Variants in MTHFD2L observed in about 807,000 individuals in gnomAD.
MTHFD2L encodes methylenetetrahydrofolate dehydrogenase (NADP+ dependent) 2 like.
In MTHFD2L, 29 loss-of-function variants were observed where a neutral mutation model predicts 34.9. The observed-to-expected ratio is 0.83, with a 90% confidence interval of 0.62 to 1.13. The LOEUF (loss-of-function observed/expected upper bound fraction) is 1.13. Among genes scored for constraint, MTHFD2L ranks in the 50% most tolerant of loss-of-function variants. The pLI, the probability that MTHFD2L is intolerant of heterozygous loss-of-function variation, is 0.00. For synonymous variants in MTHFD2L, 167 were observed against 155.7 expected, an observed-to-expected ratio of 1.07 and a Z score of -0.54; for missense variants, 481 against 446.5, an observed-to-expected ratio of 1.08 and a Z score of -0.70.
chr4:74,159,938 A>G (rs974341268), intron 1 of MTHFD2L: 26 of 439,172 alleles, frequency 5.9e-5, no homozygotes, highest in Non-Finnish European at 7.9e-5. Context: ...ACTGAATACC[A>G]TCTCTGAAGG....
intron 6 of MTHFD2L, chr4:74,267,136 C>A: frequency 1.0e-6 from 1 of 985,108 alleles, no homozygotes; most frequent in Non-Finnish European, 1.2e-6. Context: ...ATGTTTGAAA[C>A]CCATTCCATT....
At chr4:74,214,911 G>T (rs1364579945) in intron 5 of MTHFD2L, among the ~76,000 whole-genome samples, 1 of 151,780 alleles carries the variant, frequency 6.6e-6, no homozygotes, top group South Asian at 2.1e-4. Flanking sequence ...TGCCCAGTGA[G>T]GAGGAATCTA....
At chr4:74,152,818 T>C (rs1007772595) in intron 1 of MTHFD2L, among the ~76,000 whole-genome samples, 2 of 152,172 alleles carry the variant, frequency 1.3e-5, no homozygotes, top group African/African-American at 4.8e-5. Flanking sequence ...TAAGAGCAGC[T>C]AGTGACAAGC....
intron 5 of MTHFD2L, among the ~76,000 whole-genome samples, chr4:74,208,111 A>G (rs1348749627): frequency 6.6e-6 from 1 of 152,146 alleles, no homozygotes; most frequent in Non-Finnish European, 1.5e-5. Flanking sequence ...CTCTCATCCC[A>G]CTACCCCCAG....
intron 1 of MTHFD2L, among the ~76,000 whole-genome samples, chr4:74,144,358 C>T (rs1443271233): frequency 6.6e-6 from 1 of 152,104 alleles, no homozygotes; most frequent in South Asian, 2.1e-4. Flanking sequence ...GAGGCTGAGA[C>T]AGGAGAATTG....
intron 6 of MTHFD2L, among the ~76,000 whole-genome samples, chr4:74,255,278 G>A (rs1743884052): frequency 6.6e-6 from 1 of 151,796 alleles, no homozygotes; most frequent in African/African-American, 2.4e-5. Context: ...AAGTTAAGCT[G>A]TTATCAGCTT....
At chr4:74,257,297 T>G (rs1303820843) in intron 6 of MTHFD2L, among the ~76,000 whole-genome samples, 1 of 152,158 alleles carries the variant, frequency 6.6e-6, no homozygotes, top group Non-Finnish European at 1.5e-5. Flanking sequence ...AAAATTACTT[T>G]AAATATAAAT....
At chr4:74,128,684 C>T (rs1303034183) in intron 1 of MTHFD2L, among the ~76,000 whole-genome samples, 2 of 151,928 alleles carry the variant, frequency 1.3e-5, no homozygotes, top group Non-Finnish European at 2.9e-5. Flanking sequence ...CTCAGGATTG[C>T]TTTGGCTATT....
chr4:74,225,638 C>T (rs1739027287), intron 6 of MTHFD2L, among the ~76,000 whole-genome samples: 1 of 152,170 alleles, frequency 6.6e-6, no homozygotes, highest in Non-Finnish European at 1.5e-5. Flanking sequence ...GAACAATGTG[C>T]ACTTTGCTAA....
chr4:74,236,691 G>A (rs1740888822), intron 6 of MTHFD2L, among the ~76,000 whole-genome samples: 1 of 152,244 alleles, frequency 6.6e-6, no homozygotes, highest in Non-Finnish European at 1.5e-5. Flanking sequence ...ATCTAATAGA[G>A]AGTGGTGCGT....
At chr4:74,141,987 G>A (rs1322495578) in intron 1 of MTHFD2L, among the ~76,000 whole-genome samples, 1 of 152,176 alleles carries the variant, frequency 6.6e-6, no homozygotes, top group Non-Finnish European at 1.5e-5. Flanking sequence ...GTAAATGGGA[G>A]AGTCTCAGCT....
At chr4:74,137,984 GA>G (rs1295609851) in intron 1 of MTHFD2L, among the ~76,000 whole-genome samples, 1 of 150,880 alleles carries the variant, frequency 6.6e-6, no homozygotes, top group South Asian at 2.1e-4. Context: ...AGAGAGGGGG[GA>G]AAAATAATAT....
chr4:74,147,644 A>C (rs1275148200), intron 1 of MTHFD2L, among the ~76,000 whole-genome samples: 1 of 152,108 alleles, frequency 6.6e-6, no homozygotes, highest in Non-Finnish European at 1.5e-5. Flanking sequence ...CCTCAATCTC[A>C]TCTTTCCAAT....
At chr4:74,260,449 T>C (rs559466815) in intron 6 of MTHFD2L, among the ~76,000 whole-genome samples, 1 of 152,282 alleles carries the variant, frequency 6.6e-6, no homozygotes, top group Admixed American at 6.5e-5. Context: ...CTCTGATCTC[T>C]AGGTTAAATA....
chr4:74,159,373 G>A (rs1411433876), intron 1 of MTHFD2L, among the ~76,000 whole-genome samples: 2 of 152,164 alleles, frequency 1.3e-5, no homozygotes, highest in Non-Finnish European at 2.9e-5. Flanking sequence ...CTACTACCTA[G>A]GAAAAGCAGA....
At chr4:74,206,134 TAA>T (rs77020635) in intron 5 of MTHFD2L, among the ~76,000 whole-genome samples, 8 of 126,336 alleles carry the variant, frequency 6.3e-5, no homozygotes, top group Admixed American at 1.6e-4. Flanking sequence ...CCAAAACTAG[TAA>T]AAAAAAAAAA....
chr4:74,148,472 C>T (rs1239155792), intron 1 of MTHFD2L, among the ~76,000 whole-genome samples: 1 of 151,790 alleles, frequency 6.6e-6, no homozygotes, highest in African/African-American at 2.4e-5. Context: ...ACTGCAACCT[C>T]TACCTCCCAG....
chr4:74,156,206 A>G (rs1724241296), upstream of MTHFD2L, among the ~76,000 whole-genome samples: 3 of 152,092 alleles, frequency 2.0e-5, no homozygotes, highest in Admixed American at 2.0e-4. Context: ...TCACTGTCCT[A>G]AAAACCCTCT....
At chr4:74,229,091 A>G (rs1483737373) in intron 6 of MTHFD2L, among the ~76,000 whole-genome samples, 3 of 152,234 alleles carry the variant, frequency 2.0e-5, no homozygotes, top group Admixed American at 1.3e-4. Context: ...GTAGTTCTGC[A>G]GTCTTCTTGA....
Sources: gnomAD v4.1 joint callset for allele counts (sites outside exome capture counted in the v4.1 genomes callset) on GRCh38, gnomAD v4.1.1 for gene constraint, MANE v1.5 for transcripts, NCBI Gene and HGNC (gene_info 2026-07-23, HGNC 2026-07-21) for gene names.